The following FER1L6 variants were observed in gnomAD, a reference collection of about 807,000 sequenced individuals.
The protein encoded by FER1L6 is fer-1-like protein 6.
In FER1L6, 177 loss-of-function variants were observed where a neutral mutation model predicts 219.2. That is an observed-to-expected ratio of 0.81 (90% CI 0.71 to 0.91). FER1L6 has a LOEUF of 0.91. Among genes scored for constraint, FER1L6 ranks in the 40% least tolerant of loss-of-function variants. The pLI, the probability that FER1L6 is intolerant of heterozygous loss-of-function variation, is 0.00. For missense variants in FER1L6, 2,153 were observed against 2,259.9 expected, an observed-to-expected ratio of 0.95 and a Z score of 0.96; for synonymous variants, 768 against 824.3, an observed-to-expected ratio of 0.93 and a Z score of 1.17.
chr8:123,913,845 A>G (rs1282873512), intron 1 of FER1L6, among the ~76,000 whole-genome samples: 2 of 152,166 alleles, frequency 1.3e-5, no homozygotes, highest in African/African-American at 2.4e-5. Context: ...TCTTGAAAAA[A>G]AAAAAACTAA....
chr8:124,006,995 A>AT (rs1179900842), intron 13 of FER1L6, among the ~76,000 whole-genome samples: 3 of 152,192 alleles, frequency 2.0e-5, no homozygotes, highest in African/African-American at 7.2e-5. Flanking sequence ...TAGTGCAATA[A>AT]TTTTTTAAGA....
rs529054875 is a variant in FER1L6, at chr8:123,988,521, C to T, written c.1519+2345C>T. 1.9e-4 allele frequency among the ~76,000 whole-genome samples: 29 copies of T among 152,126 alleles called. No individual in the cohort carries two copies. The East Asian group carries it at 4.6e-3, about 24-fold the overall frequency. On this transcript the variant is annotated intron_variant, in intron 12 of 40. Transcript: ENST00000522917. ...TCTTTAACCAGTGTTTTATAGTTTT[C>T]GTTGTGGAGATCTTTCACTTCTTTG... is the stretch of plus-strand genomic sequence containing the variant.
chr8:124,022,216 T>C (rs1430694008), intron 17 of FER1L6, among the ~76,000 whole-genome samples: 3 of 152,216 alleles, frequency 2.0e-5, no homozygotes, highest in Non-Finnish European at 4.4e-5. Context: ...TAGTTCTTGT[T>C]GCAAATCAGT....
chr8:123,885,442 A>T (rs1477541110), intron 1 of FER1L6, among the ~76,000 whole-genome samples: 3 of 152,186 alleles, frequency 2.0e-5, no homozygotes, highest in Non-Finnish European at 4.4e-5. Flanking sequence ...GCACTGATAA[A>T]GGGGTTAATG....
At position 124,081,529 on chromosome 8, in the gene FER1L6, C is replaced by G. The variant is rs529234072; in HGVS notation, c.4221-759C>G. On this transcript the variant is annotated intron_variant, in intron 32 of 40. Transcript: ENST00000522917. ...GATTGGATATGGTGATTTCTGAGATCTCTTACAGTTCACGGAAACATTTAT... is the reference window on the plus strand; with the variant it reads ...GATTGGATATGGTGATTTCTGAGATGTCTTACAGTTCACGGAAACATTTAT... Among the ~76,000 whole-genome samples the G allele has an allele frequency of 2.1e-4, 31 of 148,834 alleles. No homozygotes were observed. In the Admixed American group the frequency reaches 2.1e-3, roughly 10 times the overall value.
At chr8:123,854,908 G>A (rs1816603796) in intron 1 of FER1L6, among the ~76,000 whole-genome samples, 1 of 152,134 alleles carries the variant, frequency 6.6e-6, no homozygotes, top group Non-Finnish European at 1.5e-5. Flanking sequence ...TTTTATTGAA[G>A]TGAAATTCAT....
At chr8:124,004,977 G>A (rs375780400) in intron 13 of FER1L6, among the ~76,000 whole-genome samples, 59 of 149,356 alleles carry the variant, frequency 4.0e-4, no homozygotes, top group Non-Finnish European at 4.9e-4. Context: ...CAGCCTGGGC[G>A]ACAGTGGAAG....
At chr8:123,999,667 C>T (rs552435950) in intron 12 of FER1L6, among the ~76,000 whole-genome samples, 2 of 150,890 alleles carry the variant, frequency 1.3e-5, no homozygotes, top group South Asian at 4.2e-4. Flanking sequence ...CATCTCAAAA[C>T]AAAAACAAAA....
chr8:123,946,307 A>T (rs1034169684), intron 1 of FER1L6, among the ~76,000 whole-genome samples: 1 of 152,160 alleles, frequency 6.6e-6, no homozygotes, highest in African/African-American at 2.4e-5. Flanking sequence ...GCTGGAATGC[A>T]GTGGGGAGAT....
At chr8:124,002,620 A>C (rs1817467451) in intron 12 of FER1L6, among the ~76,000 whole-genome samples, 1 of 151,934 alleles carries the variant, frequency 6.6e-6, no homozygotes, top group Admixed American at 6.6e-5. Flanking sequence ...ATAGCACAAA[A>C]GCTGCCCTAT....
chr8:123,971,923 C>T, intron 6 of FER1L6, among the ~76,000 whole-genome samples: 1 of 152,206 alleles, frequency 6.6e-6, no homozygotes. Flanking sequence ...TTGCCTGGCA[C>T]TCAACCACTG....
chr8:124,098,986 C>A (rs558569395), intron 37 of FER1L6, among the ~76,000 whole-genome samples: 1 of 152,344 alleles, frequency 6.6e-6, no homozygotes, highest in East Asian at 1.9e-4. Flanking sequence ...TTTGTCACAT[C>A]TAAGCATCTC....
In FER1L6 at chr8:124,060,415, G is replaced by A. The variant is rs142626850; in HGVS notation, c.2985+125G>A. Reference sequence around the variant, plus strand: ...GAGAAAAAGAATGAGCCCTCAAAAAGCTGTGCAGTTCTTTCCTGGAGGAAC... The same window carrying A: ...GAGAAAAAGAATGAGCCCTCAAAAAACTGTGCAGTTCTTTCCTGGAGGAAC... On this transcript the variant is annotated intron_variant, in intron 23 of 40. Coordinates refer to ENST00000522917, the MANE Select transcript of FER1L6 (RefSeq NM_001039112.2). 2.1e-4 allele frequency: 294 copies of A among 1,432,144 alleles called. No homozygotes were observed. In the East Asian group the frequency reaches 6.7e-3, roughly 33 times the overall value. 88.7% of individuals were successfully genotyped at this position (1,432,144 alleles called of 1,614,324 possible).
intron 18 of FER1L6, among the ~76,000 whole-genome samples, chr8:124,031,254 G>A (rs1164116411): frequency 6.6e-6 from 1 of 152,048 alleles, no homozygotes; most frequent in Non-Finnish European, 1.5e-5. Context: ...TTTATTTAAT[G>A]TATATATTAA....
At position 124,067,823 on chromosome 8, in the gene FER1L6, G is replaced by A; in HGVS notation, c.3718+17G>A. 2 of 1,607,188 alleles carry A rather than the reference G, an allele frequency of 1.2e-6. No homozygotes were observed. Among genetic ancestry groups the A allele is most frequent in the Non-Finnish European group, 1.7e-6 (2 of 1,173,884 alleles). On this transcript the variant is annotated intron_variant, in intron 28 of 40. Transcript: ENST00000522917. ...GCAATACAGGTAAGCAGTTATTCTG[G>A]GGACATTTGTCCATAGAATAGGGCC...
chr8:123,883,330 G>T (rs1288506295), intron 1 of FER1L6, among the ~76,000 whole-genome samples: 2 of 152,154 alleles, frequency 1.3e-5, no homozygotes, highest in African/African-American at 2.4e-5. Flanking sequence ...AGAGAAGGAA[G>T]TGGGGGCAAA....
chr8:124,002,268 C>A (rs1011595624), intron 12 of FER1L6, among the ~76,000 whole-genome samples: 1 of 152,130 alleles, frequency 6.6e-6, no homozygotes, highest in Admixed American at 6.5e-5. Context: ...GGGGCTCCTT[C>A]CTGGTAAAGA....
intron 12 of FER1L6, among the ~76,000 whole-genome samples, chr8:124,000,276 A>G (rs973901868): frequency 1.3e-5 from 2 of 152,176 alleles, no homozygotes; most frequent in African/African-American, 4.8e-5. Flanking sequence ...ACCTTTAGGC[A>G]ATTCAAGACT....
intron 2 of FER1L6, among the ~76,000 whole-genome samples, chr8:123,960,765 G>A (rs1022762977): frequency 4.5e-4 from 68 of 151,958 alleles, no homozygotes; most frequent in African/African-American, 1.5e-3. Context: ...ATTGCAATTA[G>A]GGTTCACCTG....
Sources: allele counts gnomAD v4.1 joint callset (sites outside exome capture counted in the v4.1 genomes callset), GRCh38; gene constraint gnomAD v4.1.1; transcripts MANE v1.5; gene names NCBI Gene and HGNC (gene_info 2026-07-23, HGNC 2026-07-21).